GALNT13: variants seen among roughly 807,000 people sequenced by gnomAD.
GALNT13 encodes polypeptide N-acetylgalactosaminyltransferase 13, also known as UDP-GalNAc:polypeptide N-acetylgalactosaminyltransferase 13.
In GALNT13, 28 loss-of-function variants were observed where a neutral mutation model predicts 64.2. The ratio of observed to expected loss-of-function variants is 0.44; its 90% CI spans 0.32 to 0.60. GALNT13 has a LOEUF of 0.60. Among genes scored for constraint, GALNT13 ranks in the 20% least tolerant of loss-of-function variants. The probability of loss-of-function intolerance (pLI) is 0.05; values close to 1 mark genes in which losing one functional copy is unlikely to be tolerated. For missense variants in GALNT13, 577 were observed against 669.8 expected (o/e 0.86, Z 1.53); for synonymous variants, 214 against 224.6 (o/e 0.95, Z 0.42).
chr2:153,867,106 A>G (rs564590456), upstream of GALNT13, among the ~76,000 whole-genome samples: 2 of 152,346 alleles, frequency 1.3e-5, no homozygotes, highest in South Asian at 2.1e-4. Context: ...CAAATCAACT[A>G]TATATGAAAT....
intron 3 of GALNT13, among the ~76,000 whole-genome samples, chr2:153,988,247 T>G (rs1694935591): frequency 6.6e-6 from 1 of 151,924 alleles, no homozygotes; most frequent in Non-Finnish European, 1.5e-5. Flanking sequence ...GTCATCCTGC[T>G]GTACAATAGA....
chr2:154,236,140 T>A lies in GALNT13; in HGVS notation c.312-5890T>A. ...GACTTTCTGACTTTCCCTGCTTTCG[T>A]GACAGTAAATATTGTCTTCTTGCTT... On this transcript the variant is annotated intron_variant, in intron 4 of 12. Transcript: ENST00000392825. 4 of 1,127,594 alleles carry A rather than the reference T, an allele frequency of 3.5e-6. No individual in the cohort carries two copies. In the South Asian group the frequency reaches 8.2e-5, roughly 23 times the overall value. 69.8% of individuals were successfully genotyped at this position (1,127,594 alleles called of 1,614,324 possible).
intron 8 of GALNT13, among the ~76,000 whole-genome samples, chr2:154,264,541 G>T (rs1439604942): frequency 6.6e-6 from 1 of 151,756 alleles, no homozygotes; most frequent in Non-Finnish European, 1.5e-5. Flanking sequence ...AGAGGCTGAG[G>T]TAGAAGAATC....
the GALNT13 span, among the ~76,000 whole-genome samples, chr2:153,732,722 A>G: frequency 1.3e-5 from 2 of 152,112 alleles, no homozygotes; most frequent in East Asian, 3.9e-4. Flanking sequence ...ATGATTGCTT[A>G]TCCAAGTATT....
intron 2 of GALNT13, among the ~76,000 whole-genome samples, chr2:153,916,644 A>G (rs1466132329): frequency 1.3e-5 from 2 of 152,198 alleles, no homozygotes; most frequent in Non-Finnish European, 2.9e-5. Context: ...TTCGGTGTGG[A>G]TAGAATATGA....
chr2:153,389,275 T>A, the GALNT13 span, among the ~76,000 whole-genome samples: 1 of 152,096 alleles, frequency 6.6e-6, no homozygotes, highest in Non-Finnish European at 1.5e-5. Flanking sequence ...TTGGGAGGTA[T>A]ACGTTTTGAA....
the GALNT13 span, among the ~76,000 whole-genome samples, chr2:153,570,903 T>A: frequency 6.6e-6 from 1 of 152,228 alleles, no homozygotes; most frequent in Non-Finnish European, 1.5e-5. Context: ...TTCCTCCAGT[T>A]TCGTTTTTTG....
Position 154,028,815 on chromosome 2 carries a change from A to T in GALNT13, c.142+84176A>T, listed in dbSNP as rs146976771. Among the ~76,000 whole-genome samples the T allele has an allele frequency of 7.7e-4, 117 of 152,186 alleles. 1 individual carries two copies. In the East Asian group the frequency reaches 0.019, roughly 25 times the overall value. ...ACTTACTTCCAAATCCTTTTTGAGG[A>T]TAAAAAAATAATGGGAAAGAGCATC... On this transcript the variant is annotated intron_variant, in intron 3 of 12. Transcript: ENST00000392825.
At chr2:154,163,401 G>C in intron 4 of GALNT13, among the ~76,000 whole-genome samples, 1 of 151,784 alleles carries the variant, frequency 6.6e-6, no homozygotes, top group African/African-American at 2.4e-5. Flanking sequence ...AATAAAAAAT[G>C]ATAAAGGGGA....
the GALNT13 span, among the ~76,000 whole-genome samples, chr2:153,178,975 T>C: frequency 1.3e-5 from 2 of 151,932 alleles, no homozygotes; most frequent in Admixed American, 1.3e-4. Flanking sequence ...TCTCCTGACC[T>C]CAGGTGATCC....
At chr2:153,689,692 G>A in the GALNT13 span, among the ~76,000 whole-genome samples, 1 of 152,056 alleles carries the variant, frequency 6.6e-6, no homozygotes, top group Non-Finnish European at 1.5e-5. Context: ...AATGAAGTCA[G>A]CGATCATACT....
At chr2:153,498,195 T>G in the GALNT13 span, among the ~76,000 whole-genome samples, 2 of 152,240 alleles carry the variant, frequency 1.3e-5, no homozygotes, top group African/African-American at 4.8e-5. Flanking sequence ...ACCTGACTCT[T>G]AAAAGATACA....
the GALNT13 span, among the ~76,000 whole-genome samples, chr2:153,295,821 C>A: frequency 6.6e-6 from 1 of 152,130 alleles, no homozygotes; most frequent in Non-Finnish European, 1.5e-5. Context: ...TTTACAGGCA[C>A]ATTGAAGGAT....
chr2:153,328,815 G>C, the GALNT13 span, among the ~76,000 whole-genome samples: 2 of 151,958 alleles, frequency 1.3e-5, no homozygotes, highest in African/African-American at 4.8e-5. Flanking sequence ...TGGAGTGAAT[G>C]GTTCTGTCTT....
chr2:153,700,280 G>T, the GALNT13 span, among the ~76,000 whole-genome samples: 1 of 152,150 alleles, frequency 6.6e-6, no homozygotes, highest in East Asian at 1.9e-4. Context: ...AAAGGCTTTT[G>T]ATAAAATTCA....
the GALNT13 span, among the ~76,000 whole-genome samples, chr2:153,273,174 T>C: frequency 1.3e-5 from 2 of 152,160 alleles, no homozygotes. Flanking sequence ...AAATACCTAA[T>C]GTAGATGATG....
At chr2:154,417,808 G>A (rs757580911) in intron 11 of GALNT13, among the ~76,000 whole-genome samples, 4 of 151,836 alleles carry the variant, frequency 2.6e-5, no homozygotes, top group African/African-American at 4.8e-5. Flanking sequence ...CACCGCGCCC[G>A]GCCACTTTTA....
chr2:154,334,255 AT>A (rs1487888799), intron 9 of GALNT13, among the ~76,000 whole-genome samples: 2 of 151,998 alleles, frequency 1.3e-5, no homozygotes, highest in African/African-American at 4.8e-5. Context: ...TTGAAATCCC[AT>A]TTTACTATTA....
chr2:153,733,448 C>A, the GALNT13 span, among the ~76,000 whole-genome samples: 2 of 152,122 alleles, frequency 1.3e-5, no homozygotes, highest in Non-Finnish European at 2.9e-5. Flanking sequence ...GAATGATTTT[C>A]TTTGTGCCAT....
Sources: gnomAD v4.1 joint callset for allele counts (sites outside exome capture counted in the v4.1 genomes callset) on GRCh38, gnomAD v4.1.1 for gene constraint, MANE v1.5 for transcripts, NCBI Gene and HGNC (gene_info 2026-07-23, HGNC 2026-07-21) for gene names.